The following ULK4 variants were observed in gnomAD, a reference collection of about 807,000 sequenced individuals.
The protein encoded by ULK4 is inactive serine/threonine-protein kinase ULK4.
ULK4 carries 133 observed loss-of-function variants against 160.6 expected under a neutral mutation model. That is an observed-to-expected ratio of 0.83 (90% confidence interval 0.72 to 0.96). ULK4 has a LOEUF of 0.96. Ranked by LOEUF, ULK4 falls within the 40% of genes least tolerant of loss-of-function variation. The probability of loss-of-function intolerance (pLI) is 0.00; values close to 1 mark genes in which losing one functional copy is unlikely to be tolerated. For missense variants in ULK4, 1,580 were observed against 1,499.5 expected, an observed-to-expected ratio of 1.05 and a Z score of -0.89; for synonymous variants, 534 against 539.8, an observed-to-expected ratio of 0.99 and a Z score of 0.15.
At chr3:41,490,055 T>C (rs1361822267) in intron 32 of ULK4, among the ~76,000 whole-genome samples, 1 of 152,180 alleles carries the variant, frequency 6.6e-6, no homozygotes, top group East Asian at 1.9e-4. Context: ...CCCACAGCTG[T>C]TACTCAGTCC....
At chr3:41,948,270 G>A (rs745353049) in intron 2 of ULK4, among the ~76,000 whole-genome samples, 5 of 152,102 alleles carry the variant, frequency 3.3e-5, no homozygotes, top group Non-Finnish European at 5.9e-5. Flanking sequence ...GGCCAACATG[G>A]TGAAACCCCA....
rs760350594 is a variant in ULK4, at chr3:41,954,651, T to G, written c.109A>C (p.Lys37Gln). Residue 37 changes from lysine to glutamine, a missense_variant, in exon 2 of 37, where the codon AAG (lysine) becomes CAG (glutamine). Coordinates refer to ENST00000301831, the MANE Select transcript of ULK4 (RefSeq NM_017886.4). ...INFVAILCTD[K>Q]CKRPEITNWV... ...TTGGTTATTTCAGGCCTTTTGCACT[T>G]ATCAGTACAAAGAATGGCTACAAAA... 1 of 1,613,774 alleles carries G rather than the reference T, an allele frequency of 6.2e-7. No individual in the cohort carries two copies. The highest frequency in any genetic ancestry group is 1.3e-5 in the African/African-American group (1 of 74,910).
chr3:41,512,591 A>C (rs956581408), intron 32 of ULK4, among the ~76,000 whole-genome samples: 1 of 152,236 alleles, frequency 6.6e-6, no homozygotes, highest in Non-Finnish European at 1.5e-5. Context: ...CTCTACAAGG[A>C]AAACTACAAA....
At chr3:41,251,358 T>C (rs565621601) in intron 35 of ULK4, among the ~76,000 whole-genome samples, 16 of 152,244 alleles carry the variant, frequency 1.1e-4, no homozygotes, top group Non-Finnish European at 2.1e-4. Flanking sequence ...GAGGTTCCAG[T>C]TCTGCGTAAG....
At chr3:41,927,517 C>T (rs1382386516) in intron 5 of ULK4, among the ~76,000 whole-genome samples, 2 of 151,838 alleles carry the variant, frequency 1.3e-5, no homozygotes, top group African/African-American at 4.8e-5. Context: ...TAAAGGTAAA[C>T]AAGCTGAATG....
chr3:41,717,227 A>T (rs578089326), intron 23 of ULK4, among the ~76,000 whole-genome samples: 50 of 152,350 alleles, frequency 3.3e-4, no homozygotes, highest in Non-Finnish European at 6.3e-4. Flanking sequence ...CATTTTATAC[A>T]TATAACAAAA....
Position 41,289,663 on chromosome 3 carries a change from T to C in ULK4, c.3679-40089A>G, listed in dbSNP as rs192369824. ...CCCATGGTAGACAGGGTGGGAGGAA[T>C]CTCGGGGCCTATTCATCCAACATGT... On this transcript the variant is annotated intron_variant, in intron 35 of 36. Coordinates refer to ENST00000301831, the MANE Select transcript of ULK4 (RefSeq NM_017886.4). 5.9e-5 allele frequency among the ~76,000 whole-genome samples: 9 copies of C among 152,204 alleles called. No individual in the cohort carries two copies. In the East Asian group the frequency reaches 1.5e-3, roughly 26 times the overall value.
intron 9 of ULK4, 54 bp downstream of exon 9, chr3:41,912,753 T>C (rs942159577): frequency 6.1e-6 from 9 of 1,464,486 alleles, no homozygotes; most frequent in African/African-American, 2.8e-5. Context: ...AGAACAGTAA[T>C]GGGCTTAAGT....
At chr3:41,383,339 T>TC (rs2081718447) in intron 35 of ULK4, among the ~76,000 whole-genome samples, 1 of 152,180 alleles carries the variant, frequency 6.6e-6, no homozygotes, top group Non-Finnish European at 1.5e-5. Context: ...CCTAAGGTGA[T>TC]CCACCTGCCT....
chr3:41,566,347 C>T (rs908533907), intron 31 of ULK4, among the ~76,000 whole-genome samples: 6 of 152,164 alleles, frequency 3.9e-5, no homozygotes, highest in African/African-American at 1.4e-4. Flanking sequence ...GACACCAGTG[C>T]TGCAGCACAG....
chr3:41,366,769 G>C (rs1206360858), intron 35 of ULK4, among the ~76,000 whole-genome samples: 1 of 152,210 alleles, frequency 6.6e-6, no homozygotes, highest in Non-Finnish European at 1.5e-5. Flanking sequence ...ATATGCCACA[G>C]TTGAGTCTTC....
chr3:41,275,865 C>A (rs910211484), intron 35 of ULK4, among the ~76,000 whole-genome samples: 7 of 152,192 alleles, frequency 4.6e-5, no homozygotes, highest in African/African-American at 1.4e-4. Flanking sequence ...AGCTCCCAGG[C>A]AGAACAGGTG....
intron 25 of ULK4, among the ~76,000 whole-genome samples, chr3:41,710,072 T>A (rs1014726735): frequency 3.9e-5 from 6 of 152,200 alleles, no homozygotes; most frequent in Non-Finnish European, 5.9e-5. Context: ...CCCTTGCGAC[T>A]TTTTAACCAC....
chr3:41,789,880 C>A, intron 20 of ULK4, 37 bp from the exon 21 acceptor site: 1 of 1,474,552 alleles, frequency 6.8e-7, no homozygotes, highest in Non-Finnish European at 9.1e-7. Flanking sequence ...CAGGCAACTC[C>A]AAGTGCATCA....
chr3:41,265,007 G>T (rs554643673), intron 35 of ULK4, among the ~76,000 whole-genome samples: 1 of 152,302 alleles, frequency 6.6e-6, no homozygotes, highest in African/African-American at 2.4e-5. Context: ...GGCCCTCAGA[G>T]AAACCACCAT....
intron 35 of ULK4, among the ~76,000 whole-genome samples, chr3:41,376,176 G>C (rs1000020961): frequency 1.3e-5 from 2 of 150,326 alleles, no homozygotes; most frequent in East Asian, 4.1e-4. Flanking sequence ...CTGTTGGTGG[G>C]AGTGTAAATT....
intron 34 of ULK4, among the ~76,000 whole-genome samples, chr3:41,447,250 C>G (rs2083320368): frequency 6.6e-6 from 1 of 152,092 alleles, no homozygotes; most frequent in Admixed American, 6.6e-5. Flanking sequence ...TTGCCCTAGT[C>G]TTGTTCTTTC....
At chr3:41,545,057 T>C (rs1471148851) in intron 32 of ULK4, among the ~76,000 whole-genome samples, 4 of 152,206 alleles carry the variant, frequency 2.6e-5, no homozygotes, top group Admixed American at 2.6e-4. Context: ...GAATTCTCAA[T>C]GTTAACTTTC....
intron 21 of ULK4, among the ~76,000 whole-genome samples, chr3:41,762,655 CTTTTTTTTTTT>C (rs35695794): frequency 2.2e-5 from 2 of 89,000 alleles, no homozygotes; most frequent in African/African-American, 4.5e-5. Context: ...AAGTGTTACA[CTTTTTTTTTTT>C]TTTTTTTTTT....
Sources: allele counts gnomAD v4.1 joint callset (sites outside exome capture counted in the v4.1 genomes callset), GRCh38; gene constraint gnomAD v4.1.1; transcripts MANE v1.5; gene names NCBI Gene and HGNC (gene_info 2026-07-23, HGNC 2026-07-21).